AGAP1: variants seen among roughly 807,000 people sequenced by gnomAD.
The protein encoded by AGAP1 is ArfGAP with GTPase domain, ankyrin repeat and PH domain 1, also known as arf-GAP with GTPase, ANK repeat and PH domain-containing protein 1.
In AGAP1, 29 loss-of-function variants were observed where a neutral mutation model predicts 105.3. The observed-to-expected ratio is 0.28, with a 90% confidence interval of 0.21 to 0.38. The LOEUF (loss-of-function observed/expected upper bound fraction) is 0.38, where lower values mean the gene tolerates loss of function less well. AGAP1 is among the 10% of genes least tolerant of loss of function. The pLI is 1.00. For synonymous variants in AGAP1, 509 were observed against 485.9 expected (o/e 1.05, Z -0.63); for missense variants, 998 against 1,165.1 (o/e 0.86, Z 2.09).
intron 1 of AGAP1, among the ~76,000 whole-genome samples, chr2:235,632,213 G>A (rs1375562806): frequency 6.6e-6 from 1 of 152,228 alleles, no homozygotes; most frequent in Non-Finnish European, 1.5e-5. Flanking sequence ...GACTTAAGGG[G>A]AGTTAATGAA....
Position 235,639,089 on chromosome 2 carries a change from T to C in AGAP1, c.164-70090T>C, listed in dbSNP as rs78405689. Among the ~76,000 whole-genome samples the C allele has an allele frequency of 6.1e-3, 924 of 152,216 alleles. 9 individuals are homozygous for C. The highest frequency in any genetic ancestry group is 0.021 in the African/African-American group (871 of 41,532). On this transcript the variant is annotated intron_variant, in intron 1 of 17. Transcript: ENST00000304032. This position sits in a 1 kb window ranked among gnomAD's most constrained non-coding sequence, Gnocchi z 5.3. Reference sequence around the variant, plus strand: ...GTCTTAGAGCCATTTGAGAGGGAGCTTCTAGAGGACTTGATGGATGGAATT... The same window carrying C: ...GTCTTAGAGCCATTTGAGAGGGAGCCTCTAGAGGACTTGATGGATGGAATT...
chr2:236,077,129 A>G lies in AGAP1; in HGVS notation c.2114+27848A>G, dbSNP rs1254635353. Among the ~76,000 whole-genome samples the G allele has an allele frequency of 6.1e-5, 3 of 49,356 alleles. No individual in the cohort carries two copies. In the South Asian group the frequency reaches 2.1e-3, roughly 34 times the overall value. The allele number at this position is 49,356 out of a possible 152,430, so 32.4% of individuals were successfully genotyped here. The stretch of plus-strand genomic sequence containing the variant: ...TGTCTCAAAGAAAAAAAGAGTAGAA[A>G]AAAAAAAAAAAAAATATATATATAT... On this transcript the variant is annotated intron_variant, in intron 16 of 17. Coordinates refer to ENST00000304032, the MANE Select transcript of AGAP1 (RefSeq NM_001037131.3).
intron 1 of AGAP1, among the ~76,000 whole-genome samples, chr2:235,591,169 G>T (rs764666053): frequency 2.6e-5 from 4 of 151,950 alleles, no homozygotes; most frequent in Non-Finnish European, 4.4e-5. Context: ...GCACCCACCA[G>T]CATGCCCAGC....
intron 1 of AGAP1, among the ~76,000 whole-genome samples, chr2:235,698,294 T>C (rs1453839740): frequency 6.6e-6 from 1 of 152,138 alleles, no homozygotes; most frequent in Non-Finnish European, 1.5e-5. Context: ...CACACGCTGC[T>C]CACCTCCAGC....
rs750734099 is a variant in AGAP1 at position 235,578,034 on chromosome 2, G to A, written c.163+83185G>A. 3.9e-5 allele frequency among the ~76,000 whole-genome samples: 6 copies of A among 152,118 alleles called. No homozygotes were observed. Among genetic ancestry groups the A allele is most frequent in the Admixed American group, 1.3e-4 (2 of 15,278 alleles). On this transcript the variant is annotated intron_variant, in intron 1 of 17. Transcript: ENST00000304032. This position sits in a 1 kb window ranked among gnomAD's most constrained non-coding sequence, Gnocchi z 4.9. Reference sequence around the variant, plus strand: ...GGTCCCGCCATCAGGACTTCCCCTCGTGAGGAGCTGGGTACCACTGTTATC... The same window carrying A: ...GGTCCCGCCATCAGGACTTCCCCTCATGAGGAGCTGGGTACCACTGTTATC...
intron 13 of AGAP1, among the ~76,000 whole-genome samples, chr2:236,010,527 C>T (rs1017843215): frequency 2.0e-5 from 3 of 152,174 alleles, no homozygotes; most frequent in Admixed American, 6.5e-5. Flanking sequence ...CCACATGAGA[C>T]CCTCATGAGT....
intron 12 of AGAP1, among the ~76,000 whole-genome samples, chr2:235,952,713 T>C (rs1029626037): frequency 1.3e-5 from 2 of 152,082 alleles, no homozygotes; most frequent in African/African-American, 4.8e-5. Context: ...ATCATATCTG[T>C]AAATATCTGG....
chr2:235,870,850 C>CCTG (rs1341484313), intron 9 of AGAP1, among the ~76,000 whole-genome samples: 3 of 152,212 alleles, frequency 2.0e-5, no homozygotes, highest in Non-Finnish European at 4.4e-5. Context: ...CAGCCTGCTT[C>CCTG]CTGCTGTACT....
rs551381987 is a variant in AGAP1, at chr2:236,110,382, C to T, written c.2115-9810C>T. Among the ~76,000 whole-genome samples the T allele has an allele frequency of 3.8e-5, 5 of 130,906 alleles. No homozygotes were observed. The South Asian group carries it at 1.2e-3, about 32-fold the overall frequency. The allele number at this position is 130,906 out of a possible 152,430, so 85.9% of individuals were successfully genotyped here. A position where few individuals can be genotyped will look rare whatever the true frequency, so the allele number is the denominator to read the frequency against. ...TGTCTCTAAAAGAAAAGAAAAAGAC[C>T]CCCTTCTCTACAAAAAAAAAAAAAT... On this transcript the variant is annotated intron_variant, in intron 16 of 17. Transcript: ENST00000304032.
intron 6 of AGAP1, among the ~76,000 whole-genome samples, chr2:235,757,057 C>T (rs1426762183): frequency 2.0e-5 from 3 of 152,210 alleles, no homozygotes; most frequent in South Asian, 2.1e-4. Flanking sequence ...TGTGCTAGGA[C>T]GTGCTCCCCA....
chr2:235,580,520 AGAGTC>A (rs1176176945), intron 1 of AGAP1, among the ~76,000 whole-genome samples: 1 of 152,182 alleles, frequency 6.6e-6, no homozygotes, highest in Non-Finnish European at 1.5e-5. Context: ...TTCTAGAGGT[AGAGTC>A]GAGTGTATCT....
At chr2:235,709,041 T>TG in intron 1 of AGAP1, 138 bp from the exon 2 acceptor site, 2 of 830,118 alleles carry the variant, frequency 2.4e-6, no homozygotes, top group Admixed American at 1.9e-5. Context: ...CTGATCTTTC[T>TG]GGGGTGAGAG....
Position 235,962,419 on chromosome 2 carries a change from G to T in AGAP1, c.1484-6043G>T, listed in dbSNP as rs2054231020. ...TGAGTTTCAAGTCGTGTGCGATGCT[G>T]CCCGGCTGTATAAGAAAAACCGTGG... On this transcript the variant is annotated intron_variant, in intron 12 of 17. Coordinates refer to ENST00000304032, the MANE Select transcript of AGAP1 (RefSeq NM_001037131.3). This position sits in a 1 kb window ranked among gnomAD's most constrained non-coding sequence, Gnocchi z 5.3. 1.3e-5 allele frequency among the ~76,000 whole-genome samples: 2 copies of T among 152,088 alleles called. 1 individual carries two copies. The highest frequency in any genetic ancestry group is 4.1e-4 in the South Asian group (2 of 4,822).
intron 11 of AGAP1, among the ~76,000 whole-genome samples, chr2:235,923,197 G>A (rs892638170): frequency 1.3e-5 from 2 of 152,166 alleles, no homozygotes; most frequent in Non-Finnish European, 2.9e-5. Context: ...TGCCGAAAAG[G>A]TCCTTTTATG....
chr2:235,871,781 G>C (rs572871917), intron 9 of AGAP1, among the ~76,000 whole-genome samples: 2 of 152,320 alleles, frequency 1.3e-5, no homozygotes, highest in Admixed American at 1.3e-4. Flanking sequence ...AAGGCACCAG[G>C]TGCTGCTAGG....
In AGAP1 at chr2:236,078,083, G is replaced by C. The variant is rs993010775; in HGVS notation, c.2114+28802G>C. 7.1e-6 allele frequency among the ~76,000 whole-genome samples: 1 copy of C among 141,456 alleles called. No individual in the cohort carries two copies. The highest frequency in any genetic ancestry group is 1.5e-5 in the Non-Finnish European group (1 of 65,166). The allele number at this position is 141,456 out of a possible 152,430, so 92.8% of individuals were successfully genotyped here. Reference sequence around the variant, plus strand: ...TGTGTGTGTGTGTGTGTAATCTGAAGTGTGTAGGGCAGGCCAGCTGGTGTG... The same window carrying C: ...TGTGTGTGTGTGTGTGTAATCTGAACTGTGTAGGGCAGGCCAGCTGGTGTG... On this transcript the variant is annotated intron_variant, in intron 16 of 17. Coordinates refer to ENST00000304032, the MANE Select transcript of AGAP1 (RefSeq NM_001037131.3). This position sits in a 1 kb window ranked among gnomAD's most constrained non-coding sequence, Gnocchi z 5.3.
chr2:235,514,832 G>A (rs557094415), intron 1 of AGAP1, among the ~76,000 whole-genome samples: 1 of 152,260 alleles, frequency 6.6e-6, no homozygotes, highest in Admixed American at 6.5e-5. Flanking sequence ...TGAGGGAGGC[G>A]GGATGGACTC....
Position 236,040,678 on chromosome 2 carries a change from C to A in AGAP1, c.1801-73C>A, listed in dbSNP as rs1310610501. On this transcript the variant is annotated intron_variant, in intron 14 of 17. Transcript: ENST00000304032. The surrounding 1 kb of genome is among the most constrained non-coding windows in gnomAD (Gnocchi z 5.6). Reference sequence around the variant, plus strand: ...TTGCTCCCAATCTGTTTGATCTTTCCCTGATGTTATCAGTGATGTGCGTTT... The same window carrying A: ...TTGCTCCCAATCTGTTTGATCTTTCACTGATGTTATCAGTGATGTGCGTTT... 4.9e-6 allele frequency: 7 copies of A among 1,426,068 alleles called. No homozygotes were observed. The highest frequency in any genetic ancestry group is 5.9e-6 in the Non-Finnish European group (6 of 1,018,000). The allele number at this position is 1,426,068 out of a possible 1,614,324, so 88.3% of individuals were successfully genotyped here.
In AGAP1 at chr2:235,694,642, C is replaced by T. The variant is rs115026875; in HGVS notation, c.164-14537C>T. The stretch of plus-strand genomic sequence containing the variant: ...CAGCCTCTGCAATAGAACGAGACTC[C>T]GCCTCAGGGAGAAAAAAAAAAAGAA... On this transcript the variant is annotated intron_variant, in intron 1 of 17. Coordinates refer to ENST00000304032, the MANE Select transcript of AGAP1 (RefSeq NM_001037131.3). Among the ~76,000 whole-genome samples, 242 of 151,328 alleles carry T rather than the reference C, an allele frequency of 1.6e-3. 1 individual carries two copies. The highest frequency in any genetic ancestry group is 0.013 in the South Asian group (60 of 4,796).
Sources: allele counts gnomAD v4.1 joint callset (sites outside exome capture counted in the v4.1 genomes callset), GRCh38; gene constraint gnomAD v4.1.1; non-coding constraint Gnocchi (gnomAD v3.1); transcripts MANE v1.5; gene names NCBI Gene and HGNC (gene_info 2026-07-23, HGNC 2026-07-21).